Variants in PRKAG2 observed in about 807,000 individuals in gnomAD.
The protein encoded by PRKAG2 is 5'-AMP-activated protein kinase subunit gamma-2.
Under a neutral mutation model 69.6 loss-of-function variants are expected in PRKAG2, and 26 were observed. The ratio of observed to expected loss-of-function variants is 0.37; its 90% CI spans 0.27 to 0.52. The LOEUF is 0.52. Among genes scored for constraint, PRKAG2 ranks in the 20% least tolerant of loss-of-function variants. PRKAG2 has a pLI of 0.90. For missense variants in PRKAG2, 557 were observed against 740.0 expected (o/e 0.75, Z 2.87); for synonymous variants, 293 against 285.0 (o/e 1.03, Z -0.28).
At chr7:151,598,066 G>A (rs1036180133) in intron 5 of PRKAG2, among the ~76,000 whole-genome samples, 24 of 152,106 alleles carry the variant, frequency 1.6e-4, no homozygotes, top group Admixed American at 3.9e-4. Context: ...CCTAAGTGTC[G>A]CCAAAAGATG....
At chr7:151,658,258 C>T (rs1372114113) in intron 4 of PRKAG2, among the ~76,000 whole-genome samples, 4 of 151,036 alleles carry the variant, frequency 2.6e-5, no homozygotes, top group Non-Finnish European at 5.9e-5. Flanking sequence ...GAGGCTGAGG[C>T]GGGCGGATCA....
In PRKAG2 at chr7:151,638,372, T is replaced by A. The variant is rs908369824; in HGVS notation, c.685-6234A>T. ...ATTATTATCCCGGCATGGTGGCTCA[T>A]GCCTGTAATCCCAGCACTTTGGGAG... On this transcript the variant is annotated intron_variant, in intron 4 of 15. Transcript: ENST00000287878. The surrounding 1 kb of genome is among the most constrained non-coding windows in gnomAD (Gnocchi z 4.3). Among the ~76,000 whole-genome samples the A allele has an allele frequency of 6.6e-6, 1 of 152,166 alleles. No individual in the cohort carries two copies. The highest frequency in any genetic ancestry group is 2.4e-5 in the African/African-American group (1 of 41,432).
intron 3 of PRKAG2, among the ~76,000 whole-genome samples, chr7:151,713,610 A>G (rs1393028781): frequency 6.6e-6 from 1 of 150,694 alleles, no homozygotes; most frequent in African/African-American, 2.4e-5. Flanking sequence ...TTTGAGACAA[A>G]GTCTCGCTCT....
intron 2 of PRKAG2, among the ~76,000 whole-genome samples, chr7:151,784,374 T>C (rs1335524087): frequency 2.0e-5 from 3 of 152,058 alleles, no homozygotes; most frequent in Admixed American, 6.5e-5. Context: ...CAGAGACACA[T>C]AGGGGAGCGG....
chr7:151,712,275 G>A (rs553104316), intron 3 of PRKAG2, among the ~76,000 whole-genome samples: 1 of 152,318 alleles, frequency 6.6e-6, no homozygotes, highest in South Asian at 2.1e-4. Flanking sequence ...CGGGAAGGAC[G>A]CTCTGCTGGC....
intron 4 of PRKAG2, chr7:151,675,211 G>A (rs150777875): frequency 3.4e-4 from 211 of 613,488 alleles, no homozygotes; most frequent in African/African-American, 2.4e-3. Context: ...GTGAGCCACC[G>A]CACCCAGCTA....
At chr7:151,834,724 G>A (rs759344433) in intron 1 of PRKAG2, among the ~76,000 whole-genome samples, 4 of 152,116 alleles carry the variant, frequency 2.6e-5, no homozygotes, top group Non-Finnish European at 4.4e-5. Flanking sequence ...CGGAGTGGAG[G>A]GAGTGTGGAG....
chr7:151,809,600 CG>C (rs2151850831), intron 1 of PRKAG2: 1 of 192,346 alleles, frequency 5.2e-6, no homozygotes, highest in Admixed American at 5.7e-5. Context: ...CAATGGTCAC[CG>C]GGCTGCCTGA....
Position 151,565,749 on chromosome 7 carries a change from A to G in PRKAG2, c.1370T>C (p.Ile457Thr). The change falls in exon 12 of 16, where the codon ATA becomes ACA. Residue 457 changes from isoleucine to threonine, a missense_variant. By Grantham distance (89) the Ile-to-Thr change is moderately conservative. This residue lies in a region of PRKAG2 where 205 missense variants were observed against 383.4 expected (regional missense o/e 0.53). Coordinates refer to ENST00000287878, the MANE Select transcript of PRKAG2 (RefSeq NM_016203.4). ...KALNIFVERRISALPVVDESG... is the reference protein window; with the variant it reads ...KALNIFVERRTSALPVVDESG... ...CTCATCCACAACAGGCAGAGCTGATATTCGTCTTTCCACAAATATGTTCAA... is the reference window on the plus strand; with the variant it reads ...CTCATCCACAACAGGCAGAGCTGATGTTCGTCTTTCCACAAATATGTTCAA... The G allele has an allele frequency of 6.2e-7, 1 of 1,614,012 alleles. No homozygotes were observed. Among genetic ancestry groups the G allele is most frequent in the Non-Finnish European group, 8.5e-7 (1 of 1,179,858 alleles).
At chr7:151,760,269 G>T (rs1392933402) in intron 3 of PRKAG2, among the ~76,000 whole-genome samples, 3 of 152,082 alleles carry the variant, frequency 2.0e-5, no homozygotes. Flanking sequence ...ACAGAGTCTT[G>T]CTCTGTTCCC....
At position 151,569,938 on chromosome 7, in the gene PRKAG2, G is replaced by A. The variant is rs141927406; in HGVS notation, c.1106+233C>T. 3.9e-5 allele frequency among the ~76,000 whole-genome samples: 6 copies of A among 152,284 alleles called. No individual in the cohort carries two copies. The East Asian group carries it at 9.6e-4, about 24-fold the overall frequency. On this transcript the variant is annotated intron_variant, in intron 10 of 15. Transcript: ENST00000287878. ...GCCCCCCAGATTGGCCGAGATCTTCGTGATGGTTTAGTATGACCCTATTAC... is the reference window on the plus strand; with the variant it reads ...GCCCCCCAGATTGGCCGAGATCTTCATGATGGTTTAGTATGACCCTATTAC...
chr7:151,697,378 G>T (rs757499315), intron 3 of PRKAG2, among the ~76,000 whole-genome samples: 5 of 152,108 alleles, frequency 3.3e-5, no homozygotes, highest in Non-Finnish European at 7.4e-5. Flanking sequence ...ATTCCCCAGG[G>T]GTGTAGAGAG....
At chr7:151,582,498 C>G (rs1810719017) in intron 6 of PRKAG2, among the ~76,000 whole-genome samples, 1 of 152,072 alleles carries the variant, frequency 6.6e-6, no homozygotes, top group Non-Finnish European at 1.5e-5. Flanking sequence ...AGCAGCAGTT[C>G]AATGGCAAAG....
intron 1 of PRKAG2, among the ~76,000 whole-genome samples, chr7:151,870,490 G>A (rs947624065): frequency 6.6e-6 from 1 of 152,192 alleles, no homozygotes; most frequent in East Asian, 1.9e-4. Context: ...TCTTGCTCAG[G>A]ATGGTACAAA....
chr7:151,844,405 A>G (rs769396546), intron 1 of PRKAG2, among the ~76,000 whole-genome samples: 1 of 152,168 alleles, frequency 6.6e-6, no homozygotes, highest in Non-Finnish European at 1.5e-5. Context: ...AAGAGGACCC[A>G]TCACATGAAG....
intron 4 of PRKAG2, among the ~76,000 whole-genome samples, chr7:151,671,164 A>G (rs1272989496): frequency 9.1e-6 from 1 of 109,542 alleles, no homozygotes; most frequent in African/African-American, 3.8e-5. Context: ...ACAGAGCTAG[A>G]CTGTCTCAAA....
At chr7:151,737,924 C>T (rs111489605) in intron 3 of PRKAG2, among the ~76,000 whole-genome samples, 11 of 128,450 alleles carry the variant, frequency 8.6e-5, no homozygotes, top group South Asian at 3.1e-4. Flanking sequence ...CAGAGATGCC[C>T]AGATCTGCCA....
intron 3 of PRKAG2, among the ~76,000 whole-genome samples, chr7:151,721,248 G>A (rs1797044611): frequency 6.6e-6 from 1 of 152,040 alleles, no homozygotes; most frequent in Admixed American, 6.5e-5. Context: ...TCCTGAAGCG[G>A]GGGTCCTGTC....
At chr7:151,873,261 G>A (rs750274709) in intron 1 of PRKAG2, among the ~76,000 whole-genome samples, 16 of 152,180 alleles carry the variant, frequency 1.1e-4, no homozygotes, top group Non-Finnish European at 2.2e-4. Flanking sequence ...CTTAGTGGGA[G>A]TATCACCCCC....
Sources: allele counts gnomAD v4.1 joint callset (sites outside exome capture counted in the v4.1 genomes callset), GRCh38; gene constraint gnomAD v4.1.1; regional missense constraint gnomAD v4.1.1; non-coding constraint Gnocchi (gnomAD v3.1); transcripts MANE v1.5; gene names NCBI Gene and HGNC (gene_info 2026-07-23, HGNC 2026-07-21).